MAPK6: variants seen among roughly 807,000 people sequenced by gnomAD.
MAPK6 encodes the protein mitogen-activated protein kinase 6.
Under a neutral mutation model 59.3 loss-of-function variants are expected in MAPK6, and 19 were observed. The ratio of observed to expected loss-of-function variants is 0.32; its 90% CI spans 0.22 to 0.47. The LOEUF is 0.47. Among genes scored for constraint, MAPK6 ranks in the 20% least tolerant of loss-of-function variants. The pLI is 1.00. For missense variants in MAPK6, 724 were observed against 847.9 expected, an observed-to-expected ratio of 0.85 and a Z score of 1.81; for synonymous variants, 316 against 290.3, an observed-to-expected ratio of 1.09 and a Z score of -0.90.
chr15:51,972,069 G>T (rs2057130579), intron 1 of MAPK6, among the ~76,000 whole-genome samples: 1 of 152,096 alleles, frequency 6.6e-6, no homozygotes, highest in Non-Finnish European at 1.5e-5. Context: ...AACCTATCGC[G>T]AGTCAGGATT....
At chr15:52,015,953 G>T (rs1319436742), upstream of MAPK6, among the ~76,000 whole-genome samples, 2 of 147,480 alleles carry the variant, frequency 1.4e-5, no homozygotes, top group Non-Finnish European at 3.0e-5. Flanking sequence ...GCTACTGGAA[G>T]GCTGAGACAG....
At chr15:52,039,939 A>G (rs932686592) in intron 1 of MAPK6, among the ~76,000 whole-genome samples, 3 of 152,138 alleles carry the variant, frequency 2.0e-5, no homozygotes, top group Non-Finnish European at 4.4e-5. Flanking sequence ...TTTAGATTTA[A>G]GGTCCCATGT....
At chr15:52,051,092 C>T (rs980717888) in intron 3 of MAPK6, among the ~76,000 whole-genome samples, 4 of 151,904 alleles carry the variant, frequency 2.6e-5, no homozygotes, top group African/African-American at 9.7e-5. Context: ...GAGTCTTGCT[C>T]TGTCACCCAG....
intron 2 of MAPK6, among the ~76,000 whole-genome samples, chr15:51,997,129 G>A (rs907327671): frequency 1.3e-5 from 2 of 151,112 alleles, no homozygotes; most frequent in African/African-American, 2.4e-5. Flanking sequence ...ACAGGCGCCC[G>A]CCACTACACC....
chr15:52,041,181 C>CTTTGTTTT (rs138287310), intron 1 of MAPK6, among the ~76,000 whole-genome samples: 6 of 151,996 alleles, frequency 3.9e-5, no homozygotes, highest in East Asian at 1.9e-4. Context: ...AAGCTTTAAA[C>CTTTGTTTT]TTTGTTTTTT....
intron 1 of MAPK6, among the ~76,000 whole-genome samples, chr15:52,032,847 G>C (rs1293318163): frequency 6.6e-6 from 1 of 152,144 alleles, no homozygotes; most frequent in East Asian, 1.9e-4. Context: ...ACCACACCCA[G>C]CTAATTCTGT....
intron 1 of MAPK6, among the ~76,000 whole-genome samples, chr15:52,045,495 TACTA>T (rs764668133): frequency 2.8e-4 from 43 of 152,226 alleles, no homozygotes; most frequent in Non-Finnish European, 5.0e-4. Flanking sequence ...AGATAGATGT[TACTA>T]ACGTTTTACC....
At chr15:52,059,414 C>T (rs912926173) in intron 4 of MAPK6, among the ~76,000 whole-genome samples, 3 of 152,152 alleles carry the variant, frequency 2.0e-5, no homozygotes, top group Non-Finnish European at 4.4e-5. Flanking sequence ...AGGTGTAAGC[C>T]ACCACACCTG....
chr15:52,021,278 G>C (rs1327885468), intron 1 of MAPK6, among the ~76,000 whole-genome samples: 2 of 152,030 alleles, frequency 1.3e-5, no homozygotes, highest in African/African-American at 4.8e-5. Context: ...AGGGGATGGG[G>C]GTCGGGTAGG....
chr15:52,025,028 C>G (rs1403634993), intron 1 of MAPK6, among the ~76,000 whole-genome samples: 1 of 151,994 alleles, frequency 6.6e-6, no homozygotes, highest in Non-Finnish European at 1.5e-5. Flanking sequence ...TTGAGAAGCA[C>G]TGCTAAACGA....
intron 3 of MAPK6, among the ~76,000 whole-genome samples, chr15:52,007,029 C>T (rs1282123903): frequency 1.3e-5 from 2 of 152,180 alleles, no homozygotes; most frequent in Non-Finnish European, 2.9e-5. Context: ...CCATATGCAG[C>T]TTGACTTTGA....
At chr15:51,983,474 C>T (rs567503931) in intron 2 of MAPK6, among the ~76,000 whole-genome samples, 3 of 147,882 alleles carry the variant, frequency 2.0e-5, no homozygotes, top group African/African-American at 5.0e-5. Flanking sequence ...AGCGAAACTC[C>T]GTCTCAAAAC....
Position 52,065,931 on chromosome 15 carries a change from A to ATTACT in MAPK6, c.*935_*939dup, listed in dbSNP as rs1381828799. The ATTACT allele has an allele frequency of 6.6e-6, 1 of 152,624 alleles. No individual in the cohort carries two copies. The highest frequency in any genetic ancestry group is 1.5e-5 in the Non-Finnish European group (1 of 68,028). 9.5% of individuals were successfully genotyped at this position (152,624 alleles called of 1,614,324 possible). A position where few individuals can be genotyped will look rare whatever the true frequency, so the allele number is the denominator to read the frequency against. ...ATCTACAAAGAAAAATTAATTAGGA[A>ATTACT]TTACTTTATTATAAAATGCTCCTAG... is the stretch of plus-strand genomic sequence containing the variant. On this transcript the variant is annotated 3_prime_UTR_variant, in exon 6 of 6. Transcript: ENST00000261845.
rs1022948352 is a variant in MAPK6 at position 52,003,198 on chromosome 15, C to A, written c.-769-1067C>A. Among the ~76,000 whole-genome samples, 26 of 151,500 alleles carry A rather than the reference C, an allele frequency of 1.7e-4. No individual in the cohort carries two copies. In the East Asian group the frequency reaches 1.9e-3, roughly 11 times the overall value. ...GGGAAACTCCGTCTTAAAAAAAAAA[C>A]CAAAAAACAAACAAAAAAAACACGA... On this transcript the variant is annotated intron_variant, in intron 2 of 7. Transcript: ENST00000691380.
Position 52,053,044 on chromosome 15 carries a change from C to T in MAPK6, c.700+2907C>T, listed in dbSNP as rs558720899. Among the ~76,000 whole-genome samples, 7 of 147,728 alleles carry T rather than the reference C, an allele frequency of 4.7e-5. 1 individual carries two copies. The East Asian group carries it at 5.9e-4, about 13-fold the overall frequency. ...GTCTTTTTGAGTATAGCCATCCTATCGGGTATGAAGTAGTATCTCATTGTG... is the reference window on the plus strand; with the variant it reads ...GTCTTTTTGAGTATAGCCATCCTATTGGGTATGAAGTAGTATCTCATTGTG... On this transcript the variant is annotated intron_variant, in intron 3 of 5. Coordinates refer to ENST00000261845, the MANE Select transcript of MAPK6 (RefSeq NM_002748.4).
chr15:52,062,313 C>T (rs2032234921), intron 5 of MAPK6, among the ~76,000 whole-genome samples: 1 of 152,044 alleles, frequency 6.6e-6, no homozygotes, highest in Admixed American at 6.6e-5. Flanking sequence ...AGGCGTGAAC[C>T]ACCGTACTCA....
rs140708012 is a variant in MAPK6, at chr15:51,973,813, C to T, written c.-880+1907C>T. Among the ~76,000 whole-genome samples the T allele has an allele frequency of 1.8e-3, 277 of 151,868 alleles. 2 individuals carry two copies. Among genetic ancestry groups the T allele is most frequent in the Non-Finnish European group, 2.9e-3 (194 of 67,932 alleles). On this transcript the variant is annotated intron_variant, in intron 1 of 7. Coordinates refer to the MAPK6 transcript ENST00000691380. ...GATTACAGGCATGCGCCACCATATC[C>T]GGTTAATTTTGTATTTTTAGTAGAG...
At chr15:52,004,654 G>A (rs552105452) in intron 3 of MAPK6, among the ~76,000 whole-genome samples, 3 of 152,192 alleles carry the variant, frequency 2.0e-5, no homozygotes, top group Admixed American at 2.0e-4. Context: ...TCATCTCATG[G>A]TAGAAGGCAG....
At position 52,050,278 on chromosome 15, in the gene MAPK6, TAAAA is replaced by T. The variant is rs907908006; in HGVS notation, c.700+145_700+148del. 2.7e-5 allele frequency: 20 copies of T among 754,136 alleles called. No individual in the cohort carries two copies. In the African/African-American group the frequency reaches 3.1e-4, roughly 12 times the overall value. The allele number at this position is 754,136 out of a possible 1,614,324, so 46.7% of individuals were successfully genotyped here. A position where few individuals can be genotyped will look rare whatever the true frequency, so the allele number is the denominator to read the frequency against. On this transcript the variant is annotated intron_variant, in intron 3 of 5. Coordinates refer to ENST00000261845, the MANE Select transcript of MAPK6 (RefSeq NM_002748.4). ...TGAACAGATAAATTGGCGTTTTTAATAAAAAAATTGAGAAAACTTATTCACATAT... is the reference window on the plus strand; with the variant it reads ...TGAACAGATAAATTGGCGTTTTTAATAAATTGAGAAAACTTATTCACATAT...
Sources: gnomAD v4.1 joint callset for allele counts (sites outside exome capture counted in the v4.1 genomes callset) on GRCh38, gnomAD v4.1.1 for gene constraint, MANE v1.5 for transcripts, NCBI Gene and HGNC (gene_info 2026-07-23, HGNC 2026-07-21) for gene names.